Variants in AKAP13 observed in about 807,000 individuals in gnomAD.
The protein encoded by AKAP13 is A-kinase anchor protein 13.
In AKAP13, 80 loss-of-function variants were observed where a neutral mutation model predicts 264.5. That is an observed-to-expected ratio of 0.30 (90% CI 0.25 to 0.36). AKAP13 has a LOEUF of 0.36. AKAP13 is among the 10% of genes least tolerant of loss of function. AKAP13 has a pLI of 1.00. For missense variants in AKAP13, 3,712 were observed against 3,435.2 expected, an observed-to-expected ratio of 1.08 and a Z score of -2.01; for synonymous variants, 1,380 against 1,250.2, an observed-to-expected ratio of 1.10 and a Z score of -2.19.
In AKAP13 at chr15:85,679,714, A is replaced by G. The variant is rs560930344; in HGVS notation, c.5102-2444A>G. Among the ~76,000 whole-genome samples, 5 of 152,348 alleles carry G rather than the reference A, an allele frequency of 3.3e-5. No individual in the cohort carries two copies. The South Asian group carries it at 1.0e-3, about 32-fold the overall frequency. ...CCACCCTGAAGTTCCTGGCTGTAGTATAAATCTGCAGGTTATTTCATGCCT... is the reference window on the plus strand; with the variant it reads ...CCACCCTGAAGTTCCTGGCTGTAGTGTAAATCTGCAGGTTATTTCATGCCT... On this transcript the variant is annotated intron_variant, in intron 14 of 36. Coordinates refer to ENST00000394518, the MANE Select transcript of AKAP13 (RefSeq NM_007200.5).
At chr15:85,456,360 C>A (rs776730661) in intron 1 of AKAP13, among the ~76,000 whole-genome samples, 3 of 152,160 alleles carry the variant, frequency 2.0e-5, no homozygotes, top group Non-Finnish European at 2.9e-5. Context: ...ATCCTGACTT[C>A]TTCTTCTTAA....
At chr15:85,444,424 A>G (rs979495703) in intron 1 of AKAP13, among the ~76,000 whole-genome samples, 8 of 152,212 alleles carry the variant, frequency 5.3e-5, no homozygotes, top group Admixed American at 3.9e-4. Context: ...ATGAAATCCT[A>G]AAGGCAATAA....
intron 8 of AKAP13, among the ~76,000 whole-genome samples, chr15:85,617,849 C>A (rs1198208087): frequency 2.0e-5 from 3 of 152,210 alleles, no homozygotes; most frequent in Non-Finnish European, 4.4e-5. Flanking sequence ...ATTTGTAAAT[C>A]TCTGGTCAAG....
chr15:85,701,105 C>T (rs887640053), intron 17 of AKAP13: 1 of 152,108 alleles, frequency 6.6e-6, no homozygotes, highest in Non-Finnish European at 1.5e-5. Flanking sequence ...TAGAGTTTTT[C>T]TAGTATTTTG....
At position 85,473,311 on chromosome 15, in the gene AKAP13, A is replaced by G. The variant is rs1169017395; in HGVS notation, c.-11-12399A>G. Reference sequence around the variant, plus strand: ...ACAGACCCAGGTTGTCAGGAGAGCAATTTGATGTGGAAGGCACAAGTAAGA... The same window carrying G: ...ACAGACCCAGGTTGTCAGGAGAGCAGTTTGATGTGGAAGGCACAAGTAAGA... On this transcript the variant is annotated intron_variant, in intron 1 of 36. Transcript: ENST00000394518. 2.0e-5 allele frequency among the ~76,000 whole-genome samples: 3 copies of G among 152,232 alleles called. No homozygotes were observed. In the East Asian group the frequency reaches 5.8e-4, roughly 29 times the overall value.
chr15:85,386,672 G>A (rs754595534), intron 1 of AKAP13, among the ~76,000 whole-genome samples: 1 of 151,756 alleles, frequency 6.6e-6, no homozygotes, highest in Non-Finnish European at 1.5e-5. Context: ...TGCAAGGTAT[G>A]CATTGAGTTT....
chr15:85,398,486 G>A (rs1015045406), intron 1 of AKAP13, among the ~76,000 whole-genome samples: 1 of 152,188 alleles, frequency 6.6e-6, no homozygotes, highest in Non-Finnish European at 1.5e-5. Flanking sequence ...CTAGCCATAT[G>A]TGGCGTATTT....
Position 85,719,131 on chromosome 15 carries a change from G to A in AKAP13, c.6057G>A (p.Val2019=), listed in dbSNP as rs756471400. ...GCACTCTCAAGATCATGAGTGGTGT[G>A]TACAGCCAGGGGATGATGGCGGATC... ...HVRTLKIMSG[V]YSQGMMADLL... is the part of the protein sequence containing the mutation. The change falls in exon 23 of 37, where the codon GTG becomes GTA. Residue 2019 remains valine, a synonymous_variant. Coordinates refer to ENST00000394518, the MANE Select transcript of AKAP13 (RefSeq NM_007200.5). The A allele has an allele frequency of 6.3e-5, 102 of 1,614,162 alleles. No homozygotes were observed. Among genetic ancestry groups the A allele is most frequent in the Non-Finnish European group, 4.4e-5 (52 of 1,180,036 alleles).
At chr15:85,703,084 TAAAC>T (rs916613028) in intron 17 of AKAP13, among the ~76,000 whole-genome samples, 4 of 152,178 alleles carry the variant, frequency 2.6e-5, no homozygotes, top group South Asian at 4.1e-4. Flanking sequence ...ACATAAAAAA[TAAAC>T]AAGTAAACCA....
At chr15:85,627,311 G>T (rs2081456762) in intron 8 of AKAP13, among the ~76,000 whole-genome samples, 2 of 152,026 alleles carry the variant, frequency 1.3e-5, no homozygotes, top group Non-Finnish European at 2.9e-5. Flanking sequence ...TCCTATTTCT[G>T]TTCATTGTGG....
chr15:85,598,421 C>T (rs534093924), intron 8 of AKAP13, among the ~76,000 whole-genome samples: 3 of 152,292 alleles, frequency 2.0e-5, no homozygotes, highest in East Asian at 3.9e-4. Flanking sequence ...TGGGAAGCCA[C>T]AGACTGACTT....
intron 2 of AKAP13, among the ~76,000 whole-genome samples, chr15:85,508,863 C>G (rs547849516): frequency 6.6e-6 from 1 of 152,260 alleles, no homozygotes; most frequent in Admixed American, 6.5e-5. Context: ...CTTTCTTTAT[C>G]TTCCCTTAAC....
chr15:85,743,678 T>C lies in AKAP13; in HGVS notation c.8245T>C (p.Ser2749Pro). The C allele has an allele frequency of 6.2e-7, 1 of 1,614,030 alleles. No homozygotes were observed. The change falls in exon 36 of 37, where the codon TCA (serine) becomes CCA (proline). Residue 2749 changes from serine to proline, a missense_variant. Ser to Pro is a moderately conservative substitution (Grantham distance 74). Around this residue, in one of 3 missense-constraint regions of AKAP13, gnomAD observed 611 missense variants for 539.3 expected, o/e 1.13. Coordinates refer to ENST00000394518, the MANE Select transcript of AKAP13 (RefSeq NM_007200.5). The part of the protein sequence containing the change: ...KDKGPFHILS[S>P]TSQTNKGPEG... ...TAAGGGGCCTTTTCACATACTGAGT[T>C]CAACCAGCCAGACAAACAAAGGACC... is the stretch of plus-strand genomic sequence containing the variant.
intron 1 of AKAP13, among the ~76,000 whole-genome samples, chr15:85,392,530 GAAT>G (rs2150809356): frequency 6.6e-6 from 1 of 152,270 alleles, no homozygotes; most frequent in East Asian, 1.9e-4. Flanking sequence ...TGGGATTACA[GAAT>G]AATCTTAATC....
At chr15:85,667,253 A>G (rs879602093) in intron 13 of AKAP13, among the ~76,000 whole-genome samples, 3 of 152,198 alleles carry the variant, frequency 2.0e-5, no homozygotes, top group Non-Finnish European at 4.4e-5. Flanking sequence ...TTATTGTAAC[A>G]CTTATGCTTG....
chr15:85,605,996 T>C (rs565761849), intron 8 of AKAP13, among the ~76,000 whole-genome samples: 6 of 152,222 alleles, frequency 3.9e-5, no homozygotes, highest in Admixed American at 3.3e-4. Flanking sequence ...GGATGCCCTT[T>C]AGTGCATATC....
At position 85,514,345 on chromosome 15, in the gene AKAP13, G is replaced by T. The variant is rs2076538164; in HGVS notation, c.34-7083G>T. 1.4e-5 allele frequency among the ~76,000 whole-genome samples: 2 copies of T among 138,278 alleles called. 1 individual carries two copies. The highest frequency in any genetic ancestry group is 5.8e-5 in the African/African-American group (2 of 34,244). 90.7% of individuals were successfully genotyped at this position (138,278 alleles called of 152,430 possible). A position where few individuals can be genotyped will look rare whatever the true frequency, so the allele number is the denominator to read the frequency against. On this transcript the variant is annotated intron_variant, in intron 2 of 36. Coordinates refer to ENST00000394518, the MANE Select transcript of AKAP13 (RefSeq NM_007200.5). ...ATAATTTATTGCTGTTCTTGATTGTGTAGTCTTTAAATTGTCCCAGGTTTG... is the reference window on the plus strand; with the variant it reads ...ATAATTTATTGCTGTTCTTGATTGTTTAGTCTTTAAATTGTCCCAGGTTTG...
intron 1 of AKAP13, among the ~76,000 whole-genome samples, chr15:85,426,900 T>A (rs1426314887): frequency 6.6e-6 from 1 of 152,140 alleles, no homozygotes; most frequent in African/African-American, 2.4e-5. Context: ...AGATTTTAAG[T>A]TGTATGTGTC....
In AKAP13 at chr15:85,715,817, G is replaced by A. The variant is rs139745053; in HGVS notation, c.5629G>A (p.Ala1877Thr). The A allele has an allele frequency of 5.6e-6, 9 of 1,612,150 alleles. No homozygotes were observed. The African/African-American group carries it at 6.7e-5, about 12-fold the overall frequency. The change falls in exon 20 of 37, where the codon GCA (alanine) becomes ACA (threonine). Residue 1877 changes from alanine to threonine, a missense_variant. Transcript: ENST00000394518. ...ACAGCCCAAGGAGCGTCCTCGGTCCGCAGTCCTCCTGGTGGATGAAACCGC... is the reference window on the plus strand; with the variant it reads ...ACAGCCCAAGGAGCGTCCTCGGTCCACAGTCCTCCTGGTGGATGAAACCGC... Reference protein sequence around the residue: ...PSQPKERPRSAVLLVDETATT... With the variant: ...PSQPKERPRSTVLLVDETATT...
Sources: gnomAD v4.1 joint callset for allele counts (sites outside exome capture counted in the v4.1 genomes callset) on GRCh38, gnomAD v4.1.1 for gene constraint, gnomAD v4.1.1 regional missense constraint, MANE v1.5 for transcripts, NCBI Gene and HGNC (gene_info 2026-07-23, HGNC 2026-07-21) for gene names.